The following CNTN5 variants were observed in gnomAD, a reference collection of about 807,000 sequenced individuals.
CNTN5 encodes the protein contactin 5.
In CNTN5, 77 loss-of-function variants were observed where a neutral mutation model predicts 129.1. That is an observed-to-expected ratio of 0.60 (90% CI 0.50 to 0.72). The LOEUF (loss-of-function observed/expected upper bound fraction) is 0.72, where lower values mean the gene tolerates loss of function less well. Ranked by LOEUF, CNTN5 falls within the 30% of genes least tolerant of loss-of-function variation. The pLI, the probability that CNTN5 is intolerant of heterozygous loss-of-function variation, is 0.00. For synonymous variants in CNTN5, 509 were observed against 465.6 expected (o/e 1.09, Z -1.20); for missense variants, 1,478 against 1,328.8 (o/e 1.11, Z -1.75).
intron 8 of CNTN5, among the ~76,000 whole-genome samples, chr11:99,973,704 C>T (rs541966852): frequency 8.5e-5 from 13 of 152,106 alleles, no homozygotes; most frequent in African/African-American, 3.1e-4. Context: ...TTCCATTATC[C>T]TGCAAGGATT....
chr11:99,820,449 C>A (rs1946763216), intron 4 of CNTN5, among the ~76,000 whole-genome samples: 2 of 152,298 alleles, frequency 1.3e-5, no homozygotes, highest in South Asian at 2.1e-4. Context: ...ATCTATATAT[C>A]CAACACTAAG....
chr11:99,853,185 C>T lies in CNTN5; in HGVS notation c.577+7923C>T, dbSNP rs1022672814. On this transcript the variant is annotated intron_variant, in intron 6 of 24. Transcript: ENST00000524871. ...TGTAGTACCCCGGAGATCTTGCAGA[C>T]TTAATTACACCTGAGTCAAAGAAAC... 2.0e-5 allele frequency among the ~76,000 whole-genome samples: 3 copies of T among 152,076 alleles called. 1 individual carries two copies. Among genetic ancestry groups the T allele is most frequent in the South Asian group, 4.1e-4 (2 of 4,826 alleles).
At position 99,400,855 on chromosome 11, in the gene CNTN5, T is replaced by C. The variant is rs148216375; in HGVS notation, c.-71+75371T>C. ...TGACGTAGAGCACCTTTTCATGTGT[T>C]GCTTTGCCATTTTTATGTATTCGTT... On this transcript the variant is annotated intron_variant, in intron 2 of 24. Transcript: ENST00000524871. Among the ~76,000 whole-genome samples, 644 of 152,294 alleles carry C rather than the reference T, an allele frequency of 4.2e-3. 8 individuals carry two copies. The highest frequency in any genetic ancestry group is 0.015 in the African/African-American group (617 of 41,572).
intron 2 of CNTN5, among the ~76,000 whole-genome samples, chr11:99,371,582 G>C (rs370186106): frequency 6.6e-6 from 1 of 152,040 alleles, no homozygotes; most frequent in Non-Finnish European, 1.5e-5. Context: ...AGAATTAAAC[G>C]TATTTGATGG....
chr11:99,545,160 G>A (rs566622458), intron 2 of CNTN5, among the ~76,000 whole-genome samples: 1 of 152,260 alleles, frequency 6.6e-6, no homozygotes, highest in East Asian at 1.9e-4. Flanking sequence ...GAATATTTCA[G>A]GTAAAAAGGT....
At chr11:99,967,952 A>G (rs1007757964) in intron 8 of CNTN5, among the ~76,000 whole-genome samples, 3 of 152,220 alleles carry the variant, frequency 2.0e-5, no homozygotes, top group South Asian at 2.1e-4. Context: ...TACAAGTATT[A>G]AAGTAAAAAT....
intron 2 of CNTN5, among the ~76,000 whole-genome samples, chr11:99,468,191 C>T (rs1385815387): frequency 2.6e-5 from 4 of 152,234 alleles, no homozygotes; most frequent in East Asian, 1.9e-4. Flanking sequence ...ATACTGCTGA[C>T]AAAAACGAAT....
intron 4 of CNTN5, among the ~76,000 whole-genome samples, chr11:99,825,585 A>T (rs933057611): frequency 1.1e-4 from 16 of 152,146 alleles, no homozygotes; most frequent in African/African-American, 3.6e-4. Flanking sequence ...AAAGGATATC[A>T]CTGTGACAAA....
intron 8 of CNTN5, 91 bp from the exon 9 acceptor site, chr11:100,001,943 A>T (rs1228227567): frequency 3.1e-5 from 29 of 920,876 alleles, no homozygotes; most frequent in Non-Finnish European, 4.8e-5. Flanking sequence ...TTAACAACCA[A>T]ACCACAGTGA....
intron 18 of CNTN5, among the ~76,000 whole-genome samples, chr11:100,276,846 T>A (rs553450979): frequency 6.6e-6 from 1 of 151,702 alleles, no homozygotes; most frequent in South Asian, 2.1e-4. Flanking sequence ...GTTTAAAATG[T>A]ACAATTAATT....
chr11:99,636,250 A>G (rs1951549012), intron 3 of CNTN5, among the ~76,000 whole-genome samples: 1 of 152,130 alleles, frequency 6.6e-6, no homozygotes, highest in Admixed American at 6.5e-5. Flanking sequence ...TATGGGGGAG[A>G]TTGGGTGGCC....
intron 1 of CNTN5, among the ~76,000 whole-genome samples, chr11:99,082,462 C>T (rs1026717884): frequency 2.6e-5 from 4 of 152,250 alleles, no homozygotes; most frequent in East Asian, 3.9e-4. Context: ...GAATTACAGG[C>T]GTGAGCCACC....
At position 100,153,253 on chromosome 11, in the gene CNTN5, G is replaced by A. The variant is rs539681132; in HGVS notation, c.1581-37873G>A. Among the ~76,000 whole-genome samples the A allele has an allele frequency of 2.0e-4, 31 of 152,036 alleles. No individual in the cohort carries two copies. In the South Asian group the frequency reaches 5.0e-3, roughly 24 times the overall value. On this transcript the variant is annotated intron_variant, in intron 13 of 24. Coordinates refer to ENST00000524871, the MANE Select transcript of CNTN5 (RefSeq NM_014361.4). ...TCATTAACATTATTAGTAAACCTGCGCAATCAGTTAAAAATCACTCATTTC... is the reference window on the plus strand; with the variant it reads ...TCATTAACATTATTAGTAAACCTGCACAATCAGTTAAAAATCACTCATTTC...
chr11:99,387,238 A>T (rs1384267195), intron 2 of CNTN5, among the ~76,000 whole-genome samples: 3 of 152,270 alleles, frequency 2.0e-5, no homozygotes, highest in Admixed American at 2.0e-4. Flanking sequence ...TCCCATAAAA[A>T]TTCTATCCCC....
At chr11:99,561,544 T>C (rs993746628) in intron 3 of CNTN5, among the ~76,000 whole-genome samples, 4 of 152,082 alleles carry the variant, frequency 2.6e-5, no homozygotes, top group Admixed American at 1.3e-4. Flanking sequence ...GAGTACAGAA[T>C]GGGAAATGGG....
At chr11:100,033,132 A>G (rs183027436) in intron 9 of CNTN5, among the ~76,000 whole-genome samples, 5 of 152,306 alleles carry the variant, frequency 3.3e-5, no homozygotes, top group African/African-American at 1.2e-4. Context: ...TTTTGACAGA[A>G]TATAGACAGT....
rs77064872 is a variant in CNTN5, at chr11:99,347,242, T to C, written c.-71+21758T>C. 7.9e-3 allele frequency among the ~76,000 whole-genome samples: 1,210 copies of C among 152,302 alleles called. 64 individuals are homozygous for C. Among genetic ancestry groups the C allele is most frequent in the Admixed American group, 0.07 (1,067 of 15,296 alleles). On this transcript the variant is annotated intron_variant, in intron 2 of 24. Transcript: ENST00000524871. ...TGAAATAGTCCTGTCACGTGGATAG[T>C]TGTGGATTCTAGGAAAATCTCTGCC...
chr11:100,118,112 G>A (rs11222837), intron 13 of CNTN5, among the ~76,000 whole-genome samples: 12,343 of 151,410 alleles, frequency 0.082, 628 homozygotes, highest in Non-Finnish European at 0.12. Flanking sequence ...AATATCTAAC[G>A]TCAAATCTAT....
At chr11:99,334,259 A>G (rs923747119) in intron 2 of CNTN5, among the ~76,000 whole-genome samples, 11 of 152,110 alleles carry the variant, frequency 7.2e-5, no homozygotes, top group Admixed American at 5.9e-4. Flanking sequence ...ATGGGCCTCT[A>G]GAAATACACA....
Sources: gnomAD v4.1 joint callset for allele counts (sites outside exome capture counted in the v4.1 genomes callset) on GRCh38, gnomAD v4.1.1 for gene constraint, MANE v1.5 for transcripts, NCBI Gene and HGNC (gene_info 2026-07-23, HGNC 2026-07-21) for gene names.